The following FOXP2 variants were observed in gnomAD, a reference collection of about 807,000 sequenced individuals.
The protein encoded by FOXP2 is forkhead box P2, also known as forkhead box protein P2.
In FOXP2, 12 loss-of-function variants were observed where a neutral mutation model predicts 115.8. The ratio of observed to expected loss-of-function variants is 0.10; its 90% CI spans 0.07 to 0.17. The LOEUF is 0.17. Ranked by LOEUF, FOXP2 falls within the 10% of genes least tolerant of loss-of-function variation. The pLI is 1.00. For missense variants in FOXP2, 629 were observed against 843.5 expected, an observed-to-expected ratio of 0.75 and a Z score of 3.15; for synonymous variants, 328 against 297.7, an observed-to-expected ratio of 1.10 and a Z score of -1.05.
At chr7:114,653,401 G>GTCGC in intron 9 of FOXP2, 28 of 167,174 alleles carry the variant, frequency 1.7e-4, no homozygotes, top group South Asian at 1.3e-3. Flanking sequence ...CGACTCCGTG[G>GTCGC]CAGAGTTCAG....
At chr7:114,188,677 C>T (rs1410892033) in intron 1 of FOXP2, among the ~76,000 whole-genome samples, 1 of 152,140 alleles carries the variant, frequency 6.6e-6, no homozygotes, top group African/African-American at 2.4e-5. Flanking sequence ...GCAGCCTCGA[C>T]CTCCTGGGCT....
chr7:114,259,197 G>T (rs578213423), intron 1 of FOXP2, among the ~76,000 whole-genome samples: 31 of 152,260 alleles, frequency 2.0e-4, no homozygotes, highest in African/African-American at 7.5e-4. Flanking sequence ...CAAATGAGGT[G>T]CAAAAGTTAT....
chr7:114,531,658 A>C (rs529977825), intron 2 of FOXP2, among the ~76,000 whole-genome samples: 1 of 152,114 alleles, frequency 6.6e-6, no homozygotes, highest in South Asian at 2.1e-4. Flanking sequence ...GAATGTTGAA[A>C]TAGGAAAGAA....
intron 1 of FOXP2, among the ~76,000 whole-genome samples, chr7:114,096,570 C>T (rs955359366): frequency 6.6e-6 from 1 of 152,162 alleles, no homozygotes; most frequent in African/African-American, 2.4e-5. Context: ...TACATCTTTT[C>T]TCTTTGATAT....
chr7:114,101,617 G>A (rs1226618638), intron 1 of FOXP2, among the ~76,000 whole-genome samples: 1 of 151,914 alleles, frequency 6.6e-6, no homozygotes, highest in Non-Finnish European at 1.5e-5. Flanking sequence ...ATTTTGTTGG[G>A]GAATAGTGTC....
chr7:114,265,804 C>A (rs927595638), intron 1 of FOXP2, among the ~76,000 whole-genome samples: 1 of 152,252 alleles, frequency 6.6e-6, no homozygotes, highest in African/African-American at 2.4e-5. Flanking sequence ...AGGCTTAACA[C>A]CCCAGGGAAC....
rs11769061 is a variant in FOXP2, at chr7:114,451,705, C to T, written c.168+25026C>T. On this transcript the variant is annotated intron_variant, in intron 2 of 16. Transcript: ENST00000350908. ...CACAGTATTTGGCTTATGGTAGCTGCTTAATACATAAAAGTAAATAGTAAG... is the reference window on the plus strand; with the variant it reads ...CACAGTATTTGGCTTATGGTAGCTGTTTAATACATAAAAGTAAATAGTAAG... Among the ~76,000 whole-genome samples, 785 of 151,986 alleles carry T rather than the reference C, an allele frequency of 5.2e-3. 2 individuals carry two copies. Among genetic ancestry groups the T allele is most frequent in the Middle Eastern group, 0.014 (4 of 294 alleles).
chr7:114,228,471 A>C (rs552322030), intron 1 of FOXP2, among the ~76,000 whole-genome samples: 2 of 152,090 alleles, frequency 1.3e-5, no homozygotes, highest in African/African-American at 4.8e-5. Context: ...TTACACTTAG[A>C]AAATAGCTGG....
intron 2 of FOXP2, among the ~76,000 whole-genome samples, chr7:114,472,973 C>G (rs1226104842): frequency 6.6e-6 from 1 of 152,184 alleles, no homozygotes; most frequent in African/African-American, 2.4e-5. Flanking sequence ...AAAACTCCCA[C>G]TACTGTCTTC....
rs372316350 is a variant in FOXP2, at chr7:114,252,400, C to T, written c.-101-35619C>T. 2.8e-3 allele frequency among the ~76,000 whole-genome samples: 431 copies of T among 152,110 alleles called. 3 individuals carry two copies. The highest frequency in any genetic ancestry group is 9.6e-3 in the African/African-American group (397 of 41,490). ...TCCTCCTTGTACCTCTGGTGGAATT[C>T]GGCTGTGAATCCATCTGGTCCTGGA... On this transcript the variant is annotated intron_variant, in intron 1 of 17. Transcript: ENST00000634411.
At position 114,097,810 on chromosome 7, in the gene FOXP2, A is replaced by G. The variant is rs1314290077; in HGVS notation, c.-247+9972A>G. Among the ~76,000 whole-genome samples the G allele has an allele frequency of 2.0e-5, 3 of 152,210 alleles. No individual in the cohort carries two copies. The East Asian group carries it at 5.8e-4, about 29-fold the overall frequency. ...ACCCAGTCAGATTGCTAGTTCTTAC[A>G]GAAGAAGCTCATTATCAATTGTTTA... is the stretch of plus-strand genomic sequence containing the variant. On this transcript the variant is annotated intron_variant, in intron 1 of 19. Transcript: ENST00000635638.
chr7:114,477,556 T>C (rs564353352), intron 2 of FOXP2, among the ~76,000 whole-genome samples: 160 of 152,026 alleles, frequency 1.1e-3, no homozygotes, highest in African/African-American at 3.7e-3. Flanking sequence ...GCTCTCTACC[T>C]GGGTGGTGGG....
chr7:114,135,585 A>G (rs1322424535), intron 1 of FOXP2, among the ~76,000 whole-genome samples: 10 of 152,158 alleles, frequency 6.6e-5, no homozygotes, highest in Admixed American at 6.5e-4. Flanking sequence ...AGAAAAATTT[A>G]TAGATGATCT....
At chr7:114,340,780 C>A (rs1261179611) in intron 2 of FOXP2, among the ~76,000 whole-genome samples, 1 of 150,992 alleles carries the variant, frequency 6.6e-6, no homozygotes, top group Non-Finnish European at 1.5e-5. Flanking sequence ...GCAACACCAC[C>A]CTAAGAATTA....
intron 2 of FOXP2, among the ~76,000 whole-genome samples, chr7:114,348,275 A>G (rs1791395772): frequency 6.6e-6 from 1 of 152,082 alleles, no homozygotes. Context: ...CTTAATATGG[A>G]TGACATCTAA....
At chr7:114,231,152 A>C (rs866844364) in intron 1 of FOXP2, among the ~76,000 whole-genome samples, 3 of 152,086 alleles carry the variant, frequency 2.0e-5, no homozygotes, top group Non-Finnish European at 2.9e-5. Flanking sequence ...AGAGTCTAAA[A>C]GTATAAAATA....
chr7:114,158,377 T>C (rs1792728441), upstream of FOXP2, among the ~76,000 whole-genome samples: 1 of 152,026 alleles, frequency 6.6e-6, no homozygotes, highest in Admixed American at 6.6e-5. Flanking sequence ...TTTTTTAATA[T>C]GAACTTAGTT....
chr7:114,112,080 C>A (rs935909312), intron 1 of FOXP2, among the ~76,000 whole-genome samples: 1 of 151,936 alleles, frequency 6.6e-6, no homozygotes, highest in Admixed American at 6.6e-5. Context: ...ACTTTATGGG[C>A]GTAATGCAAT....
chr7:114,487,386 T>G (rs1796843592), intron 2 of FOXP2, among the ~76,000 whole-genome samples: 1 of 152,052 alleles, frequency 6.6e-6, no homozygotes, highest in African/African-American at 2.4e-5. Context: ...CAGGAAACCA[T>G]TTTTTCCTCC....
Sources: allele counts gnomAD v4.1 joint callset (sites outside exome capture counted in the v4.1 genomes callset), GRCh38; gene constraint gnomAD v4.1.1; transcripts MANE v1.5; gene names NCBI Gene and HGNC (gene_info 2026-07-23, HGNC 2026-07-21).